RSPH9: variants seen among roughly 807,000 people sequenced by gnomAD.
The protein encoded by RSPH9 is radial spoke head protein 9 homolog.
RSPH9 carries 27 observed loss-of-function variants against 27.0 expected under a neutral mutation model. The observed-to-expected ratio is 1.00, with a 90% CI of 0.74 to 1.38. The LOEUF (loss-of-function observed/expected upper bound fraction) is 1.38. Among genes scored for constraint, RSPH9 ranks in the 40% most tolerant of loss-of-function variants. The probability of loss-of-function intolerance (pLI) is 0.00; values close to 1 mark genes in which losing one functional copy is unlikely to be tolerated. For missense variants in RSPH9, 347 were observed against 357.4 expected (o/e 0.97, Z 0.24); for synonymous variants, 145 against 147.7 (o/e 0.98, Z 0.13).
In RSPH9 at chr6:43,670,995, T is replaced by C. The variant is rs1210306927; in HGVS notation, c.*46T>C. 1 of 1,611,680 alleles carries C rather than the reference T, an allele frequency of 6.2e-7. No individual in the cohort carries two copies. The highest frequency in any genetic ancestry group is 8.5e-7 in the Non-Finnish European group (1 of 1,178,822). The stretch of plus-strand genomic sequence containing the variant: ...TTTTTAAACAGAGTCTAAACATGAT[T>C]TTCTTAAGCTTCAGTGAACTTGGCC... On this transcript the variant is annotated 3_prime_UTR_variant, in exon 5 of 5. Transcript: ENST00000372163.
intron 4 of RSPH9, among the ~76,000 whole-genome samples, chr6:43,658,291 C>CAAAAAAAAAAAAAA (rs58592648): frequency 4.0e-3 from 96 of 24,032 alleles, no homozygotes; most frequent in Non-Finnish European, 5.4e-3. Context: ...AACTCCGTCT[C>CAAAAAAAAAAAAAA]AAAAAAAAAA....
rs569444964 is a variant in RSPH9, at chr6:43,656,070, TTCCCTCCC to T, written c.523+393_523+400del. Among the ~76,000 whole-genome samples, 25 of 139,412 alleles carry T rather than the reference TTCCCTCCC, an allele frequency of 1.8e-4. 1 individual carries two copies. The highest frequency in any genetic ancestry group is 6.7e-4 in the African/African-American group (24 of 36,036). The allele number at this position is 139,412 out of a possible 152,430, so 91.5% of individuals were successfully genotyped here. On this transcript the variant is annotated intron_variant, in intron 3 of 4. Transcript: ENST00000372163. ...TCCCTTCTTTCCCTTCTTTCCCTCC[TTCCCTCCC>T]TCCCTCCCTCCCTTTGTTTCTTTCT...
chr6:43,648,939 G>C (rs1052483257), intron 1 of RSPH9, among the ~76,000 whole-genome samples: 1 of 152,164 alleles, frequency 6.6e-6, no homozygotes, highest in African/African-American at 2.4e-5. Flanking sequence ...TTTCTTGGCC[G>C]TTAGGTGTCA....
intron 4 of RSPH9, among the ~76,000 whole-genome samples, chr6:43,665,164 G>A (rs1333699973): frequency 3.3e-5 from 5 of 152,224 alleles, no homozygotes; most frequent in Non-Finnish European, 7.3e-5. Flanking sequence ...GAGGGTGATA[G>A]AGCTTCTGCA....
intron 4 of RSPH9, among the ~76,000 whole-genome samples, chr6:43,669,086 GAA>G (rs1295414588): frequency 1.3e-5 from 2 of 152,204 alleles, no homozygotes; most frequent in East Asian, 3.8e-4. Flanking sequence ...AGCACCCAGA[GAA>G]AAGTTTTAAG....
intron 4 of RSPH9, among the ~76,000 whole-genome samples, chr6:43,669,958 G>A (rs1392441414): frequency 1.3e-5 from 2 of 152,250 alleles, no homozygotes; most frequent in Non-Finnish European, 2.9e-5. Flanking sequence ...CTGCCAGAAA[G>A]GGCCATTGAG....
rs748721325 is a variant in RSPH9, at chr6:43,656,710, T to C, written c.657T>C (p.His219=). Residue 219 remains histidine, a synonymous_variant, in exon 4 of 5, where the codon CAT becomes CAC. Transcript: ENST00000372163. ...TGGATTTCATGGACTCCTTGGAGCA[T>C]GACATTCCCAAAGGTAATAGTCCAT... The part of the protein sequence containing the change: ...PSLDFMDSLE[H]DIPKGSWSIQ... The C allele has an allele frequency of 1.9e-6, 3 of 1,614,140 alleles. No homozygotes were observed. Among genetic ancestry groups the C allele is most frequent in the Middle Eastern group, 1.7e-4 (1 of 6,032 alleles).
chr6:43,653,560 T>C (rs1561939006), intron 2 of RSPH9, among the ~76,000 whole-genome samples: 1 of 152,140 alleles, frequency 6.6e-6, no homozygotes, highest in South Asian at 2.1e-4. Flanking sequence ...AGCCTATGTT[T>C]TGAAACAATA....
At chr6:43,647,273 C>CTGG (rs1770986661) in intron 1 of RSPH9, among the ~76,000 whole-genome samples, 1 of 152,098 alleles carries the variant, frequency 6.6e-6, no homozygotes, top group Non-Finnish European at 1.5e-5. Context: ...TTGTGTAGAA[C>CTGG]TGGTTCTAGA....
chr6:43,656,757 G>A (rs1048073611), intron 4 of RSPH9, 34 bp downstream of exon 4: 8 of 1,611,810 alleles, frequency 5.0e-6, no homozygotes, highest in Non-Finnish European at 6.8e-6. Flanking sequence ...CATGGGATCT[G>A]TCCTCAGGCC....
intron 2 of RSPH9, among the ~76,000 whole-genome samples, chr6:43,653,573 A>G (rs1158997658): frequency 1.3e-5 from 2 of 152,210 alleles, no homozygotes; most frequent in Non-Finnish European, 2.9e-5. Context: ...AAACAATACA[A>G]TCCCAGAATT....
At chr6:43,648,981 G>T (rs1771165619) in intron 1 of RSPH9, among the ~76,000 whole-genome samples, 1 of 152,134 alleles carries the variant, frequency 6.6e-6, no homozygotes, top group Non-Finnish European at 1.5e-5. Context: ...GTTTCTTGAA[G>T]TGGTGGGGCA....
chr6:43,669,572 TGAA>T (rs1437241028), intron 4 of RSPH9, among the ~76,000 whole-genome samples: 3 of 152,232 alleles, frequency 2.0e-5, no homozygotes, highest in Non-Finnish European at 4.4e-5. Context: ...TGGCAGCTGA[TGAA>T]GGCCTCAGAG....
chr6:43,645,467 G>A (rs1770754462), intron 1 of RSPH9, 142 bp downstream of exon 1: 7 of 764,380 alleles, frequency 9.2e-6, no homozygotes, highest in Non-Finnish European at 1.5e-5. Flanking sequence ...TGGAATGGGG[G>A]AGACCCTGGG....
At chr6:43,663,621 T>C (rs1423078305) in intron 4 of RSPH9, among the ~76,000 whole-genome samples, 1 of 152,120 alleles carries the variant, frequency 6.6e-6, no homozygotes, top group East Asian at 1.9e-4. Flanking sequence ...AAGACACACA[T>C]TTATCAATTA....
chr6:43,668,435 C>T (rs540909258), intron 4 of RSPH9, among the ~76,000 whole-genome samples: 10 of 152,266 alleles, frequency 6.6e-5, no homozygotes, highest in South Asian at 4.1e-4. Context: ...AGCACCCTCC[C>T]GCCTGCGCAG....
At chr6:43,655,425 CT>C in intron 2 of RSPH9, 136 bp from the exon 3 acceptor site, 1 of 884,550 alleles carries the variant, frequency 1.1e-6, no homozygotes, top group East Asian at 2.4e-5. Flanking sequence ...AGGCGAGGGC[CT>C]GCCCAGCGTG....
chr6:43,647,962 C>G (rs1360001241), intron 1 of RSPH9, among the ~76,000 whole-genome samples: 1 of 152,160 alleles, frequency 6.6e-6, no homozygotes, highest in East Asian at 1.9e-4. Context: ...ATGTTAAAAG[C>G]TAAAGGGGAT....
At chr6:43,650,295 A>G (rs934843364) in intron 1 of RSPH9, 80 bp from the exon 2 acceptor site, 4 of 1,545,706 alleles carry the variant, frequency 2.6e-6, no homozygotes, top group Non-Finnish European at 3.5e-6. Context: ...GGCCCAACCC[A>G]CTAGACAGAA....
Sources: gnomAD v4.1 joint callset for allele counts (sites outside exome capture counted in the v4.1 genomes callset) on GRCh38, gnomAD v4.1.1 for gene constraint, MANE v1.5 for transcripts, NCBI Gene and HGNC (gene_info 2026-07-23, HGNC 2026-07-21) for gene names.